Variants in CFHR2 observed in about 807,000 individuals in gnomAD.
CFHR2 encodes the protein complement factor H-related protein 2.
A neutral mutation model predicts 21.7 loss-of-function variants in CFHR2; 22 were observed. That is an observed-to-expected ratio of 1.01 (90% CI 0.72 to 1.45). CFHR2 has a LOEUF of 1.45. Among genes scored for constraint, CFHR2 ranks in the 40% most tolerant of loss-of-function variants. The probability of loss-of-function intolerance (pLI) is 0.00; values close to 1 mark genes in which losing one functional copy is unlikely to be tolerated. For synonymous variants in CFHR2, 98 were observed against 97.4 expected, an observed-to-expected ratio of 1.01 and a Z score of -0.04; for missense variants, 294 against 293.3, an observed-to-expected ratio of 1.00 and a Z score of -0.02.
chr1:196,957,551 C>A (rs1163055443), intron 3 of CFHR2, among the ~76,000 whole-genome samples: 1 of 151,856 alleles, frequency 6.6e-6, no homozygotes, highest in Non-Finnish European at 1.5e-5. Context: ...GACTACAGAC[C>A]CAATAAACTC....
chr1:196,949,639 A>G lies in CFHR2; in HGVS notation c.243A>G (p.Pro81=), dbSNP rs1407856336. 6 of 1,613,852 alleles carry G rather than the reference A, an allele frequency of 3.7e-6. No individual in the cohort carries two copies. Among genetic ancestry groups the G allele is most frequent in the Non-Finnish European group, 3.4e-6 (4 of 1,179,782 alleles). The change falls in exon 2 of 5, where the codon CCA becomes CCG. Residue 81 remains proline, a synonymous_variant. Transcript: ENST00000367415. ...CAGAAGAAGGATGGTCACCAACACC[A>G]AAGTGTCTCAGTGAGTAAATGCCCT... The part of the protein sequence containing the change: ...TCAEEGWSPT[P]KCLRLCFFPF...
chr1:196,958,302 TACA>T (rs1221831196), intron 4 of CFHR2, among the ~76,000 whole-genome samples: 2 of 152,040 alleles, frequency 1.3e-5, no homozygotes, highest in East Asian at 1.9e-4. Context: ...ATTTATTTTC[TACA>T]ACATGTTGAT....
At position 196,950,902 on chromosome 1, in the gene CFHR2, C is replaced by A. The variant is rs1401044192; in HGVS notation, c.304C>A (p.Gln102Lys). The A allele has an allele frequency of 3.1e-6, 5 of 1,613,958 alleles. No individual in the cohort carries two copies. In the South Asian group the frequency reaches 5.5e-5, roughly 18 times the overall value. The change falls in exon 3 of 5, where the codon CAA becomes AAA. Residue 102 changes from glutamine (Q) to lysine (K), a missense_variant. By Grantham distance (53) the Gln-to-Lys change is moderately conservative. Coordinates refer to ENST00000367415, the MANE Select transcript of CFHR2 (RefSeq NM_005666.4). The stretch of plus-strand genomic sequence containing the variant: ...AAATGGTCATTCTGAATCTTCAGGA[C>A]AAACACATCTGGAAGGTGATACTGT... ...VENGHSESSGQTHLEGDTVQI... is the reference protein window; with the variant it reads ...VENGHSESSGKTHLEGDTVQI...
chr1:196,946,540 T>C (rs1235732580), intron 1 of CFHR2, among the ~76,000 whole-genome samples: 1 of 152,144 alleles, frequency 6.6e-6, no homozygotes, highest in African/African-American at 2.4e-5. Context: ...CTTTTAAATA[T>C]TTTACTTATT....
rs902619737 is a variant in CFHR2 at position 196,959,588 on chromosome 1, C to G, written c.*508C>G. The stretch of plus-strand genomic sequence containing the variant: ...AGCTCATGTTTGCCTTCTTTCAGAG[C>G]TTGTAACTATGTATATCCACATAAA... On this transcript the variant is annotated 3_prime_UTR_variant, in exon 5 of 5. Coordinates refer to ENST00000367415, the MANE Select transcript of CFHR2 (RefSeq NM_005666.4). Among the ~76,000 whole-genome samples the G allele has an allele frequency of 1.3e-5, 2 of 152,032 alleles. No homozygotes were observed. The highest frequency in any genetic ancestry group is 4.8e-5 in the African/African-American group (2 of 41,418).
chr1:196,950,824 T>C, intron 2 of CFHR2, 28 bp from the exon 3 acceptor site: 1 of 1,611,034 alleles, frequency 6.2e-7, no homozygotes, highest in Non-Finnish European at 8.5e-7. Flanking sequence ...ACTTCCATCT[T>C]GTCTATTAAT....
intron 3 of CFHR2, among the ~76,000 whole-genome samples, chr1:196,957,165 CT>C (rs1346195834): frequency 1.3e-5 from 2 of 152,028 alleles, no homozygotes; most frequent in African/African-American, 4.8e-5. Flanking sequence ...TGGGGATTTT[CT>C]TTTTCTGTCT....
intron 3 of CFHR2, among the ~76,000 whole-genome samples, 179 bp from the exon 4 acceptor site, chr1:196,957,712 G>A (rs1652945369): frequency 6.6e-6 from 1 of 152,058 alleles, no homozygotes; most frequent in Admixed American, 6.6e-5. Context: ...CATTCAGTGA[G>A]GAGAAAAGAA....
chr1:196,953,270 A>G (rs1413755411), intron 3 of CFHR2, among the ~76,000 whole-genome samples: 2 of 151,754 alleles, frequency 1.3e-5, no homozygotes, highest in Non-Finnish European at 2.9e-5. Context: ...TTATTTATTT[A>G]TTTACTTACT....
At chr1:196,953,669 G>A (rs888762491) in intron 3 of CFHR2, among the ~76,000 whole-genome samples, 1 of 152,086 alleles carries the variant, frequency 6.6e-6, no homozygotes, top group East Asian at 1.9e-4. Flanking sequence ...TCCAAATATT[G>A]GAATAAAATA....
chr1:196,950,645 G>A (rs1353667325), intron 2 of CFHR2, among the ~76,000 whole-genome samples: 1 of 152,004 alleles, frequency 6.6e-6, no homozygotes, highest in African/African-American at 2.4e-5. Flanking sequence ...GCTAATTTTT[G>A]TATTTTTAGT....
At chr1:196,957,812 A>C (rs1652950623) in intron 3 of CFHR2, 79 bp from the exon 4 acceptor site, 1 of 1,279,784 alleles carries the variant, frequency 7.8e-7, no homozygotes, top group Non-Finnish European at 1.1e-6. Flanking sequence ...ATAGACTATA[A>C]AGTGCCTTGT....
chr1:196,950,871 T>G lies in CFHR2; in HGVS notation c.273T>G (p.Phe91Leu), dbSNP rs764760088. ...PKCLRLCFFP[F>L]VENGHSESSG... ...CTTTAGGACTGTGTTTCTTTCCTTT[T>G]GTGGAAAATGGTCATTCTGAATCTT... Residue 91 changes from phenylalanine (F) to leucine (L), a missense_variant, in exon 3 of 5, where the codon TTT (phenylalanine) becomes TTG (leucine). Transcript: ENST00000367415. 13 of 1,613,648 alleles carry G rather than the reference T, an allele frequency of 8.1e-6. No individual in the cohort carries two copies. The highest frequency in any genetic ancestry group is 3.4e-4 in the Middle Eastern group (2 of 5,838).
intron 1 of CFHR2, among the ~76,000 whole-genome samples, chr1:196,945,864 C>A (rs1246858860): frequency 6.6e-6 from 1 of 151,406 alleles, no homozygotes; most frequent in African/African-American, 2.4e-5. Context: ...CGTCCTTAGG[C>A]GATTTCCTTC....
chr1:196,956,993 A>G (rs2125014088), intron 3 of CFHR2, among the ~76,000 whole-genome samples: 1 of 152,246 alleles, frequency 6.6e-6, no homozygotes, highest in East Asian at 1.9e-4. Flanking sequence ...TGTGGGTAGA[A>G]GTCTAGGTTC....
At chr1:196,957,429 C>T (rs1178531355) in intron 3 of CFHR2, among the ~76,000 whole-genome samples, 1 of 150,388 alleles carries the variant, frequency 6.6e-6, no homozygotes, top group Non-Finnish European at 1.5e-5. Flanking sequence ...CCTCATTTTG[C>T]CAATACCAAG....
In CFHR2 at chr1:196,959,083, T is replaced by C. The variant is rs1332773565; in HGVS notation, c.*3T>C. On this transcript the variant is annotated 3_prime_UTR_variant, in exon 5 of 5. Coordinates refer to ENST00000367415, the MANE Select transcript of CFHR2 (RefSeq NM_005666.4). Reference sequence around the variant, plus strand: ...ATCCCAGTTGTGAAGAAAAATAGAATCAATGGCATTACTATTAGTAAAATG... The same window carrying C: ...ATCCCAGTTGTGAAGAAAAATAGAACCAATGGCATTACTATTAGTAAAATG... 6.3e-7 allele frequency: 1 copy of C among 1,576,450 alleles called. No individual in the cohort carries two copies. Among genetic ancestry groups the C allele is most frequent in the African/African-American group, 1.4e-5 (1 of 74,040 alleles).
At chr1:196,958,134 ACT>A in intron 4 of CFHR2, 61 bp downstream of exon 4, 1 of 1,502,686 alleles carries the variant, frequency 6.7e-7, no homozygotes, top group Non-Finnish European at 9.2e-7. Context: ...CTGATATTTC[ACT>A]GTTTGTAATA....
rs566119452 is a variant in CFHR2 at position 196,946,271 on chromosome 1, C to G, written c.58+2333C>G. 5.1e-4 allele frequency among the ~76,000 whole-genome samples: 77 copies of G among 152,278 alleles called. 2 individuals are homozygous for G. The East Asian group carries it at 6.2e-3, about 12-fold the overall frequency. ...ATTTATTTTATTTATTTATTTACTT[C>G]AATAGTTTTGGGGGAGCAGGTGGTT... On this transcript the variant is annotated intron_variant, in intron 1 of 4. Coordinates refer to ENST00000367415, the MANE Select transcript of CFHR2 (RefSeq NM_005666.4).
Sources: allele counts gnomAD v4.1 joint callset (sites outside exome capture counted in the v4.1 genomes callset), GRCh38; gene constraint gnomAD v4.1.1; transcripts MANE v1.5; gene names NCBI Gene and HGNC (gene_info 2026-07-23, HGNC 2026-07-21).